The following IRAK1BP1 variants were observed in gnomAD, a reference collection of about 807,000 sequenced individuals.
IRAK1BP1 encodes interleukin 1 receptor associated kinase 1 binding protein 1, also known as interleukin-1 receptor-associated kinase 1-binding protein 1.
In IRAK1BP1, 24 loss-of-function variants were observed where a neutral mutation model predicts 28.0. The observed-to-expected ratio is 0.86, with a 90% CI of 0.62 to 1.20. The LOEUF (loss-of-function observed/expected upper bound fraction) is 1.20, where lower values mean the gene tolerates loss of function less well. IRAK1BP1 is among the 50% of genes most tolerant of loss of function. The probability of loss-of-function intolerance (pLI) is 0.00; values close to 1 mark genes in which losing one functional copy is unlikely to be tolerated. For missense variants in IRAK1BP1, 336 were observed against 316.7 expected, an observed-to-expected ratio of 1.06 and a Z score of -0.46; for synonymous variants, 131 against 116.3, an observed-to-expected ratio of 1.13 and a Z score of -0.81.
At chr6:78,927,188 T>G (rs1256324365) in intron 4 of IRAK1BP1, among the ~76,000 whole-genome samples, 1 of 152,170 alleles carries the variant, frequency 6.6e-6, no homozygotes, top group African/African-American at 2.4e-5. Flanking sequence ...TTTCCTTTTC[T>G]CCACATCCTC....
the IRAK1BP1 span, chr6:78,963,085 T>G: frequency 6.4e-7 from 1 of 1,571,276 alleles, no homozygotes; most frequent in Non-Finnish European, 8.6e-7. Flanking sequence ...ACTCGCGTGT[T>G]GCTTTACTTA....
At chr6:78,872,212 C>T (rs1581987770) in intron 1 of IRAK1BP1, 1 of 661,184 alleles carries the variant, frequency 1.5e-6, no homozygotes, top group East Asian at 2.8e-5. Flanking sequence ...ATTTGCTTGA[C>T]AACATATCCT....
At chr6:78,930,352 T>G (rs1773010285) in intron 4 of IRAK1BP1, among the ~76,000 whole-genome samples, 1 of 152,220 alleles carries the variant, frequency 6.6e-6, no homozygotes, top group Non-Finnish European at 1.5e-5. Flanking sequence ...TGAATAATTT[T>G]AAGTATATAT....
At chr6:78,870,518 GA>G (rs893650806) in intron 1 of IRAK1BP1, among the ~76,000 whole-genome samples, 2 of 151,722 alleles carry the variant, frequency 1.3e-5, no homozygotes, top group Admixed American at 6.6e-5. Context: ...ATGAATAATA[GA>G]AAAAAAATGA....
At chr6:78,886,747 G>A (rs1473075820) in intron 2 of IRAK1BP1, among the ~76,000 whole-genome samples, 1 of 152,220 alleles carries the variant, frequency 6.6e-6, no homozygotes, top group Non-Finnish European at 1.5e-5. Context: ...AAACCACTGA[G>A]TTGTCCTAGG....
At chr6:78,919,847 G>C (rs9443626) in intron 4 of IRAK1BP1, among the ~76,000 whole-genome samples, 72,063 of 151,860 alleles carry the variant, frequency 0.47, 17,409 homozygotes, top group East Asian at 0.69. Context: ...GACAGCATGA[G>C]AAAAGCTGGA....
chr6:78,943,648 T>G (rs1773628974), intron 4 of IRAK1BP1, among the ~76,000 whole-genome samples: 1 of 152,098 alleles, frequency 6.6e-6, no homozygotes, highest in South Asian at 2.1e-4. Flanking sequence ...ATCAACATTA[T>G]AAGTACCACC....
chr6:78,874,063 T>A (rs910171292), intron 1 of IRAK1BP1, among the ~76,000 whole-genome samples: 22 of 152,242 alleles, frequency 1.4e-4, no homozygotes, highest in African/African-American at 5.3e-4. Context: ...TCCTGCATGA[T>A]ACTAAAATGG....
the IRAK1BP1 span, among the ~76,000 whole-genome samples, chr6:78,967,948 C>T: frequency 3.3e-5 from 5 of 151,806 alleles, no homozygotes; most frequent in South Asian, 2.1e-4. Context: ...TCCTGGCTAA[C>T]GCGGTGAAAC....
At chr6:78,893,765 A>G (rs941477793) in intron 2 of IRAK1BP1, among the ~76,000 whole-genome samples, 7 of 151,980 alleles carry the variant, frequency 4.6e-5, no homozygotes, top group Middle Eastern at 6.3e-3. Flanking sequence ...TCAGCCAGGC[A>G]TGGTGGTCAC....
At chr6:78,978,468 C>A in the IRAK1BP1 span, 1 of 613,076 alleles carries the variant, frequency 1.6e-6, no homozygotes, top group Non-Finnish European at 2.7e-6. Context: ...TACATAGATA[C>A]AAATATCTAG....
intron 1 of IRAK1BP1, among the ~76,000 whole-genome samples, chr6:78,875,123 A>G (rs991879636): frequency 1.3e-5 from 2 of 152,248 alleles, no homozygotes; most frequent in Non-Finnish European, 2.9e-5. Context: ...CAGCAAACAC[A>G]TGGAAAAGTG....
chr6:78,914,863 C>T (rs1040137987), intron 4 of IRAK1BP1, among the ~76,000 whole-genome samples: 2 of 152,132 alleles, frequency 1.3e-5, no homozygotes, highest in Admixed American at 6.5e-5. Flanking sequence ...CTCTATCACC[C>T]GGGCTGGAGT....
At chr6:78,883,011 C>G (rs1264324177) in intron 1 of IRAK1BP1, among the ~76,000 whole-genome samples, 1 of 152,078 alleles carries the variant, frequency 6.6e-6, no homozygotes, top group Non-Finnish European at 1.5e-5. Flanking sequence ...AATCCCAGCA[C>G]TTTGAGAGTC....
chr6:78,872,583 C>T (rs373980029), intron 1 of IRAK1BP1, among the ~76,000 whole-genome samples: 1 of 152,096 alleles, frequency 6.6e-6, no homozygotes, highest in Non-Finnish European at 1.5e-5. Context: ...TCTGGAAATC[C>T]AAAATTCAAA....
chr6:78,955,512 A>C, the IRAK1BP1 span: 1 of 570,502 alleles, frequency 1.8e-6, no homozygotes, highest in South Asian at 2.6e-5. Flanking sequence ...TACACTAGAC[A>C]AAAAATAATG....
the IRAK1BP1 span, chr6:78,965,830 AATT>A: frequency 8.5e-7 from 1 of 1,175,162 alleles, no homozygotes; most frequent in East Asian, 2.4e-5. Flanking sequence ...TAATAAAATC[AATT>A]ATCAAAATAA....
At chr6:78,935,674 A>T in intron 4 of IRAK1BP1, 5 of 984,362 alleles carry the variant, frequency 5.1e-6, no homozygotes, top group Non-Finnish European at 6.0e-6. Context: ...GCACCCAAAT[A>T]TCTTTTAACT....
intron 2 of IRAK1BP1, among the ~76,000 whole-genome samples, chr6:78,892,886 G>A (rs538338108): frequency 1.3e-5 from 2 of 152,060 alleles, no homozygotes; most frequent in African/African-American, 4.8e-5. Context: ...ACACAGAAAA[G>A]AAAGATGTAA....
Sources: allele counts gnomAD v4.1 joint callset (sites outside exome capture counted in the v4.1 genomes callset), GRCh38; gene constraint gnomAD v4.1.1; transcripts MANE v1.5; gene names NCBI Gene and HGNC (gene_info 2026-07-23, HGNC 2026-07-21).